PADI2: variants seen among roughly 807,000 people sequenced by gnomAD.
The protein encoded by PADI2 is protein-arginine deiminase type-2.
Under a neutral mutation model 81.1 loss-of-function variants are expected in PADI2, and 70 were observed. The ratio of observed to expected loss-of-function variants is 0.86; its 90% CI spans 0.71 to 1.05. The LOEUF (loss-of-function observed/expected upper bound fraction) is 1.05. PADI2 is among the 50% of genes least tolerant of loss of function. PADI2 has a pLI of 0.00. For synonymous variants in PADI2, 338 were observed against 358.0 expected (o/e 0.94, Z 0.63); for missense variants, 853 against 889.9 (o/e 0.96, Z 0.53).
rs943818537 is a variant in PADI2, at chr1:17,117,555, AG to A, written c.92+1724del. On this transcript the variant is annotated intron_variant, in intron 1 of 15. Coordinates refer to ENST00000375486, the MANE Select transcript of PADI2 (RefSeq NM_007365.3). ...TCTTTGTGGTCGTTGAGACAGGACA[AG>A]GGGAATCGTCACACTGCTGCCCCCT... 4.8e-4 allele frequency among the ~76,000 whole-genome samples: 73 copies of A among 152,164 alleles called. 1 individual carries two copies. The highest frequency in any genetic ancestry group is 1.7e-3 in the African/African-American group (72 of 41,510).
At chr1:17,098,840 A>C (rs1179157233) in intron 3 of PADI2, among the ~76,000 whole-genome samples, 1 of 152,210 alleles carries the variant, frequency 6.6e-6, no homozygotes, top group Non-Finnish European at 1.5e-5. Flanking sequence ...ATTTAACTAG[A>C]TTCCAGTGGG....
In PADI2 at chr1:17,086,625, CA is replaced by C. The variant is rs753328161; in HGVS notation, c.729del (p.Gly244AlafsTer39). Reference protein sequence around the residue: ...RKLYHVVKYTGGSAELLFFVE... With the variant: ...RKLYHVVKYTXGSAELLFFVE... The stretch of plus-strand genomic sequence containing the variant: ...ACGAAGAACAGCAGCTCCGCGGAGC[CA>C]CCCGTGTACTTGACCACATGGTAGA... On this transcript the variant is annotated frameshift_variant, in exon 7 of 16. Coordinates refer to ENST00000375486, the MANE Select transcript of PADI2 (RefSeq NM_007365.3). LOFTEE classifies it high-confidence loss of function. 12 of 1,613,874 alleles carry C rather than the reference CA, an allele frequency of 7.4e-6. No individual in the cohort carries two copies. The highest frequency in any genetic ancestry group is 9.3e-6 in the Non-Finnish European group (11 of 1,179,926).
chr1:17,112,749 T>C (rs1931629869), intron 1 of PADI2, among the ~76,000 whole-genome samples: 1 of 152,220 alleles, frequency 6.6e-6, no homozygotes, highest in South Asian at 2.1e-4. Flanking sequence ...TGCATCCAGC[T>C]GTCCCGGGCC....
intron 5 of PADI2, among the ~76,000 whole-genome samples, 182 bp downstream of exon 5, chr1:17,093,385 C>T (rs111436494): frequency 4.2e-3 from 633 of 152,338 alleles, no homozygotes; most frequent in Non-Finnish European, 5.9e-3. Flanking sequence ...TGAGCCACCA[C>T]GCCCGGCCCT....
chr1:17,092,948 CA>C (rs1175202023), intron 5 of PADI2, among the ~76,000 whole-genome samples: 1,137 of 60,030 alleles, frequency 0.019, 6 homozygotes, highest in Middle Eastern at 0.045. Context: ...GGCCTTGTCT[CA>C]AAAAAAAAAA....
Position 17,104,431 on chromosome 1 carries a change from C to CTTTTTTTTTTTTTTTTTTT in PADI2, c.276+428_276+446dup, listed in dbSNP as rs1217484961. Among the ~76,000 whole-genome samples, 4 of 79,816 alleles carry CTTTTTTTTTTTTTTTTTTT rather than the reference C, an allele frequency of 5.0e-5. 1 individual carries two copies. Among genetic ancestry groups the CTTTTTTTTTTTTTTTTTTT allele is most frequent in the African/African-American group, 2.0e-4 (4 of 20,238 alleles). 52.4% of individuals were successfully genotyped at this position (79,816 alleles called of 152,430 possible). A position where few individuals can be genotyped will look rare whatever the true frequency, so the allele number is the denominator to read the frequency against. On this transcript the variant is annotated intron_variant, in intron 2 of 15. Transcript: ENST00000375486. Reference sequence around the variant, plus strand: ...TTTCACCTGTTTCTTTTTGCCTTTTCTTTTTTTTTTTTTTTTTTTTTGAGA... The same window carrying CTTTTTTTTTTTTTTTTTTT: ...TTTCACCTGTTTCTTTTTGCCTTTTCTTTTTTTTTTTTTTTTTTTTTTTTTTTTTTTTTTTTTTTTGAGA...
intron 3 of PADI2, among the ~76,000 whole-genome samples, chr1:17,101,385 C>A (rs375024301): frequency 2.6e-5 from 4 of 152,152 alleles, no homozygotes; most frequent in South Asian, 4.1e-4. Flanking sequence ...CCTGCCCTTC[C>A]TGCCCCCGTC....
At chr1:17,083,903 T>G in intron 8 of PADI2, 66 bp from the exon 9 acceptor site, 1 of 928,644 alleles carries the variant, frequency 1.1e-6, no homozygotes, top group Admixed American at 1.7e-5. Flanking sequence ...GTCATCTCCC[T>G]GAGATGGTGA....
intron 1 of PADI2, among the ~76,000 whole-genome samples, chr1:17,114,909 T>C (rs1340915104): frequency 6.6e-6 from 1 of 152,114 alleles, no homozygotes; most frequent in Non-Finnish European, 1.5e-5. Context: ...ATGGAGTGTG[T>C]GCTGAGGAAT....
At chr1:17,089,535 G>A (rs1342398990) in intron 6 of PADI2, among the ~76,000 whole-genome samples, 1 of 152,200 alleles carries the variant, frequency 6.6e-6, no homozygotes, top group Non-Finnish European at 1.5e-5. Flanking sequence ...GGTGGGGCAG[G>A]TGGAGGACAC....
At chr1:17,089,778 C>A (rs1011961735) in intron 6 of PADI2, among the ~76,000 whole-genome samples, 4 of 152,198 alleles carry the variant, frequency 2.6e-5, no homozygotes, top group Non-Finnish European at 5.9e-5. Flanking sequence ...CTGCAGGAAC[C>A]AACAATGCCG....
rs191701596 is a variant in PADI2 at position 17,074,709 on chromosome 1, C to T, written c.1549+147G>A. Reference sequence around the variant, plus strand: ...AGGCCAGAGGTGCTTCCCAGCATGGCGACCTCACAAACCCCCGATCGGGCC... The same window carrying T: ...AGGCCAGAGGTGCTTCCCAGCATGGTGACCTCACAAACCCCCGATCGGGCC... On this transcript the variant is annotated intron_variant, in intron 13 of 15. Transcript: ENST00000375486. 3,777 of 583,094 alleles carry T rather than the reference C, an allele frequency of 6.5e-3. 27 individuals are homozygous for T. The highest frequency in any genetic ancestry group is 7.6e-3 in the Non-Finnish European group (2,455 of 324,380). 36.1% of individuals were successfully genotyped at this position (583,094 alleles called of 1,614,324 possible). A position where few individuals can be genotyped will look rare whatever the true frequency, so the allele number is the denominator to read the frequency against.
intron 11 of PADI2, among the ~76,000 whole-genome samples, chr1:17,076,431 T>C (rs2078303558): frequency 6.6e-6 from 1 of 152,254 alleles, no homozygotes; most frequent in South Asian, 2.1e-4. Context: ...GCCAAGCTGG[T>C]CTTGAACTCC....
intron 13 of PADI2, 68 bp downstream of exon 13, chr1:17,074,788 C>T (rs3818041): frequency 0.63 from 597,884 of 954,566 alleles, 189,443 homozygotes; most frequent in Middle Eastern, 0.71. Context: ...TTATCTGCCC[C>T]ACCCTCCCGA....
intron 4 of PADI2, among the ~76,000 whole-genome samples, chr1:17,094,735 T>A (rs1930845553): frequency 6.6e-6 from 1 of 152,222 alleles, no homozygotes; most frequent in Non-Finnish European, 1.5e-5. Flanking sequence ...GGCCCAGATT[T>A]AAAAATTCTG....
At chr1:17,113,022 C>T (rs564359832) in intron 1 of PADI2, among the ~76,000 whole-genome samples, 2 of 152,284 alleles carry the variant, frequency 1.3e-5, no homozygotes, top group East Asian at 3.9e-4. Context: ...GTCCATCCTT[C>T]AAGACCCAGC....
chr1:17,086,374 G>A (rs1199827640), intron 7 of PADI2, 147 bp downstream of exon 7: 1 of 622,866 alleles, frequency 1.6e-6, no homozygotes, highest in African/African-American at 1.9e-5. Flanking sequence ...TGCAGGCTTT[G>A]CTGGGGGGCA....
At chr1:17,069,299 G>A in intron 15 of PADI2, 22 bp from the exon 16 acceptor site, 1 of 1,585,212 alleles carries the variant, frequency 6.3e-7, no homozygotes. Context: ...GATTGCGATG[G>A]CAACAGCTTC....
chr1:17,092,095 C>A (rs1392727457), intron 6 of PADI2, among the ~76,000 whole-genome samples: 1 of 152,140 alleles, frequency 6.6e-6, no homozygotes, highest in Non-Finnish European at 1.5e-5. Flanking sequence ...GCCTGCCCTG[C>A]CTCAGGTATC....
Sources: gnomAD v4.1 joint callset for allele counts (sites outside exome capture counted in the v4.1 genomes callset) on GRCh38, gnomAD v4.1.1 for gene constraint, MANE v1.5 for transcripts, NCBI Gene and HGNC (gene_info 2026-07-23, HGNC 2026-07-21) for gene names.